The following PPFIA2 variants were observed in gnomAD, a reference collection of about 807,000 sequenced individuals.
The protein encoded by PPFIA2 is liprin-alpha-2.
A neutral mutation model predicts 175.5 loss-of-function variants in PPFIA2; 46 were observed. The ratio of observed to expected loss-of-function variants is 0.26; its 90% CI spans 0.21 to 0.34. PPFIA2 has a LOEUF of 0.34. Ranked by LOEUF, PPFIA2 falls within the 10% of genes least tolerant of loss-of-function variation. PPFIA2 has a pLI of 1.00. For synonymous variants in PPFIA2, 568 were observed against 511.4 expected (o/e 1.11, Z -1.49); for missense variants, 1,179 against 1,506.1 (o/e 0.78, Z 3.60).
At chr12:81,551,841 A>G (rs1342160222) in intron 4 of PPFIA2, among the ~76,000 whole-genome samples, 3 of 152,018 alleles carry the variant, frequency 2.0e-5, no homozygotes, top group East Asian at 3.9e-4. Context: ...CTCATTCTCA[A>G]AAAGAACAAG....
chr12:81,352,849 C>A (rs550830735), intron 17 of PPFIA2, among the ~76,000 whole-genome samples: 60 of 152,114 alleles, frequency 3.9e-4, no homozygotes, highest in Non-Finnish European at 7.9e-4. Context: ...TTAACTTATT[C>A]TTCTGTACTG....
chr12:81,710,225 C>A (rs1237025908), intron 3 of PPFIA2, among the ~76,000 whole-genome samples: 2 of 151,706 alleles, frequency 1.3e-5, no homozygotes, highest in Non-Finnish European at 2.9e-5. Flanking sequence ...AATCTGTTTT[C>A]CCTTCAGGAT....
At chr12:81,270,073 TA>T (rs530703543) in intron 28 of PPFIA2, among the ~76,000 whole-genome samples, 1 of 152,082 alleles carries the variant, frequency 6.6e-6, no homozygotes, top group Non-Finnish European at 1.5e-5. Flanking sequence ...CCTATTGAAA[TA>T]AAAAAACAAT....
intron 7 of PPFIA2, among the ~76,000 whole-genome samples, chr12:81,432,667 C>T (rs182647592): frequency 6.6e-6 from 1 of 152,076 alleles, no homozygotes; most frequent in East Asian, 1.9e-4. Context: ...CCATGTAGGT[C>T]AGGCTGGTCT....
At chr12:81,628,652 T>G (rs1484791724) in intron 4 of PPFIA2, among the ~76,000 whole-genome samples, 5 of 152,208 alleles carry the variant, frequency 3.3e-5, no homozygotes, top group Non-Finnish European at 1.5e-5. Context: ...GTGCTGGGAT[T>G]ACAGGTGTGA....
intron 28 of PPFIA2, among the ~76,000 whole-genome samples, chr12:81,269,187 C>G (rs908139936): frequency 3.4e-4 from 51 of 151,430 alleles, no homozygotes; most frequent in African/African-American, 1.2e-3. Flanking sequence ...TGACAGAATG[C>G]TATATAAAAT....
At chr12:81,469,242 T>C (rs2056300988) in intron 4 of PPFIA2, among the ~76,000 whole-genome samples, 1 of 152,192 alleles carries the variant, frequency 6.6e-6, no homozygotes, top group African/African-American at 2.4e-5. Flanking sequence ...TCTCTGCAAA[T>C]TTTAAAAACT....
At chr12:81,617,312 G>C (rs1197623249) in intron 4 of PPFIA2, among the ~76,000 whole-genome samples, 1 of 152,142 alleles carries the variant, frequency 6.6e-6, no homozygotes, top group African/African-American at 2.4e-5. Context: ...TCCAGCTCCA[G>C]TGTCGCCTCT....
intron 32 of PPFIA2, chr12:81,260,423 T>C (rs939500773): frequency 6.6e-6 from 1 of 152,198 alleles, no homozygotes; most frequent in African/African-American, 2.4e-5. Flanking sequence ...TAAATAGTCA[T>C]TTGTAAATTA....
At position 81,616,520 on chromosome 12, in the gene PPFIA2, C is replaced by T. The variant is rs78900594; in HGVS notation, c.303+60271G>A. Among the ~76,000 whole-genome samples, 977 of 152,168 alleles carry T rather than the reference C, an allele frequency of 6.4e-3. 35 individuals carry two copies. In the East Asian group the frequency reaches 0.094, roughly 15 times the overall value. On this transcript the variant is annotated intron_variant, in intron 4 of 32. Coordinates refer to ENST00000549396, the MANE Select transcript of PPFIA2 (RefSeq NM_003625.5). ...CATATTGACACTGAATTATTAAGAA[C>T]GTCATGGATCACAACCACTTAACTG...
chr12:81,460,564 A>G (rs1255987330), intron 4 of PPFIA2, among the ~76,000 whole-genome samples: 1 of 152,200 alleles, frequency 6.6e-6, no homozygotes, highest in East Asian at 1.9e-4. Context: ...GTGTTAGACA[A>G]GTTTGTTCTA....
At chr12:81,288,793 A>T (rs2044124933) in intron 24 of PPFIA2, among the ~76,000 whole-genome samples, 1 of 151,822 alleles carries the variant, frequency 6.6e-6, no homozygotes, top group South Asian at 2.1e-4. Flanking sequence ...TCATTATAAG[A>T]TAAATCCTTC....
At chr12:81,457,692 C>A in intron 5 of PPFIA2, 73 bp downstream of exon 5, 2 of 832,144 alleles carry the variant, frequency 2.4e-6, no homozygotes, top group Non-Finnish European at 3.7e-6. Flanking sequence ...ATATTTTCTT[C>A]TTATATGTGT....
chr12:81,344,848 A>C (rs571911698), intron 18 of PPFIA2, 155 bp from the exon 19 acceptor site: 2 of 555,950 alleles, frequency 3.6e-6, no homozygotes, highest in Non-Finnish European at 6.3e-6. Flanking sequence ...TTACTATAAA[A>C]GCACTCCGCC....
intron 4 of PPFIA2, among the ~76,000 whole-genome samples, chr12:81,570,373 C>G (rs932411232): frequency 2.0e-5 from 3 of 152,044 alleles, no homozygotes; most frequent in African/African-American, 7.2e-5. Context: ...TTCTCCTCCC[C>G]CTTCACTTAT....
At chr12:81,296,607 T>G (rs889368987) in intron 23 of PPFIA2, 2 of 152,210 alleles carry the variant, frequency 1.3e-5, no homozygotes, top group African/African-American at 4.8e-5. Flanking sequence ...TTGACTGATT[T>G]TTTTTTCTAT....
chr12:81,544,472 G>T (rs575455922), intron 4 of PPFIA2, among the ~76,000 whole-genome samples: 1 of 152,096 alleles, frequency 6.6e-6, no homozygotes, highest in South Asian at 2.1e-4. Flanking sequence ...TAGCTAATGG[G>T]GCAGCCCAAC....
At chr12:81,527,717 A>G (rs1488808509) in intron 4 of PPFIA2, among the ~76,000 whole-genome samples, 1 of 152,118 alleles carries the variant, frequency 6.6e-6, no homozygotes, top group African/African-American at 2.4e-5. Context: ...TTGGAACTCT[A>G]TCACCTAATG....
chr12:81,273,438 G>A (rs942689208), intron 28 of PPFIA2, among the ~76,000 whole-genome samples: 14 of 151,936 alleles, frequency 9.2e-5, no homozygotes, highest in African/African-American at 3.1e-4. Context: ...CTCAAGTCTT[G>A]TCCCTCTTAA....
Sources: allele counts gnomAD v4.1 joint callset (sites outside exome capture counted in the v4.1 genomes callset), GRCh38; gene constraint gnomAD v4.1.1; transcripts MANE v1.5; gene names NCBI Gene and HGNC (gene_info 2026-07-23, HGNC 2026-07-21).